The following LCAT variants were observed in gnomAD, a reference collection of about 807,000 sequenced individuals.
LCAT encodes the protein phosphatidylcholine-sterol acyltransferase.
LCAT carries 15 observed loss-of-function variants against 41.0 expected under a neutral mutation model. The ratio of observed to expected loss-of-function variants is 0.37; its 90% CI spans 0.24 to 0.56. LCAT has a LOEUF of 0.56. Among genes scored for constraint, LCAT ranks in the 20% least tolerant of loss-of-function variants. The pLI is 0.81. For synonymous variants in LCAT, 248 were observed against 245.4 expected, an observed-to-expected ratio of 1.01 and a Z score of -0.10; for missense variants, 449 against 595.1, an observed-to-expected ratio of 0.75 and a Z score of 2.55.
At chr16:67,941,934 T>G (rs2058293617) in intron 5 of LCAT, 1 of 1,174,652 alleles carries the variant, frequency 8.5e-7, no homozygotes, top group Non-Finnish European at 1.1e-6. Context: ...GTGTCAGTGC[T>G]GGGCCCTGGT....
In LCAT at chr16:67,943,854, G is replaced by A; in HGVS notation, c.154+94C>T. ...GGTACTTATGTCGGGGCTTATGCAG[G>A]GCAGAAGGGCTTTGGCCAGGTCAGC... is the stretch of plus-strand genomic sequence containing the variant. On this transcript the variant is annotated intron_variant, in intron 1 of 5. Transcript: ENST00000264005. The surrounding 1 kb of genome is among the most constrained non-coding windows in gnomAD (Gnocchi z 4.6). The A allele has an allele frequency of 1.6e-6, 2 of 1,231,244 alleles. No individual in the cohort carries two copies. Among genetic ancestry groups the A allele is most frequent in the Non-Finnish European group, 2.2e-6 (2 of 889,474 alleles). 76.3% of individuals were successfully genotyped at this position (1,231,244 alleles called of 1,614,324 possible).
chr16:67,940,521 T>C, intron 5 of LCAT, 43 bp from the exon 6 acceptor site: 1 of 1,610,852 alleles, frequency 6.2e-7, no homozygotes, highest in Non-Finnish European at 8.5e-7. Context: ...CAGGCCTGGC[T>C]ACCCCTGGCC....
chr16:67,943,421 G>A lies in LCAT; in HGVS notation c.155-209C>T. 1 of 608,808 alleles carries A rather than the reference G, an allele frequency of 1.6e-6. No homozygotes were observed. Among genetic ancestry groups the A allele is most frequent in the South Asian group, 1.8e-5 (1 of 55,034 alleles). 37.7% of individuals were successfully genotyped at this position (608,808 alleles called of 1,614,324 possible). A position where few individuals can be genotyped will look rare whatever the true frequency, so the allele number is the denominator to read the frequency against. ...CCCAGGCTTCCCTGAGGAAGGGAAG[G>A]CGCTGAGGTGCTGAGGCCAAGGCCG... On this transcript the variant is annotated intron_variant, in intron 1 of 5. Coordinates refer to ENST00000264005, the MANE Select transcript of LCAT (RefSeq NM_000229.2). The surrounding 1 kb of genome is among the most constrained non-coding windows in gnomAD (Gnocchi z 4.6).
Position 67,943,541 on chromosome 16 carries a change from T to C in LCAT, c.155-329A>G. On this transcript the variant is annotated intron_variant, in intron 1 of 5. Transcript: ENST00000264005. The surrounding 1 kb of genome is among the most constrained non-coding windows in gnomAD (Gnocchi z 4.6). Reference sequence around the variant, plus strand: ...CAGATAGGTCTGGGGGCATGGGGGCTGGGCCTAATAGGGGCCGGGCATGGA... The same window carrying C: ...CAGATAGGTCTGGGGGCATGGGGGCCGGGCCTAATAGGGGCCGGGCATGGA... 1 of 504,914 alleles carries C rather than the reference T, an allele frequency of 2.0e-6. No individual in the cohort carries two copies. The highest frequency in any genetic ancestry group is 3.6e-6 in the Non-Finnish European group (1 of 275,772). 31.3% of individuals were successfully genotyped at this position (504,914 alleles called of 1,614,324 possible). A position where few individuals can be genotyped will look rare whatever the true frequency, so the allele number is the denominator to read the frequency against.
chr16:67,943,882 C>T lies in LCAT; in HGVS notation c.154+66G>A. 1 of 1,440,526 alleles carries T rather than the reference C, an allele frequency of 6.9e-7. No homozygotes were observed. Among genetic ancestry groups the T allele is most frequent in the Non-Finnish European group, 9.3e-7 (1 of 1,069,574 alleles). The allele number at this position is 1,440,526 out of a possible 1,614,324, so 89.2% of individuals were successfully genotyped here. ...AGAAGGGCTTTGGCCAGGTCAGCTG[C>T]CAGGGGCTGGGGCCCAGGCTCCCCA... On this transcript the variant is annotated intron_variant, in intron 1 of 5. Coordinates refer to ENST00000264005, the MANE Select transcript of LCAT (RefSeq NM_000229.2). The surrounding 1 kb of genome is among the most constrained non-coding windows in gnomAD (Gnocchi z 4.6).
At position 67,943,157 on chromosome 16, in the gene LCAT, C is replaced by T. The variant is rs1212889929; in HGVS notation, c.210G>A (p.Val70=). The change falls in exon 2 of 6, where the codon GTG becomes GTA. Residue 70 remains valine (V), a synonymous_variant. Coordinates refer to ENST00000264005, the MANE Select transcript of LCAT (RefSeq NM_000229.2). The surrounding 1 kb of genome is among the most constrained non-coding windows in gnomAD (Gnocchi z 4.6). ...LEAKLDKPDV[V]NWMCYRKTED... ...CTGTCTTGCGGTAGCACATCCAGTTCACCACATCTGGTTTGTCCAGCTTGG... is the reference window on the plus strand; with the variant it reads ...CTGTCTTGCGGTAGCACATCCAGTTTACCACATCTGGTTTGTCCAGCTTGG... The T allele has an allele frequency of 3.1e-6, 5 of 1,613,938 alleles. No individual in the cohort carries two copies. The highest frequency in any genetic ancestry group is 4.2e-6 in the Non-Finnish European group (5 of 1,179,956).
rs2058305983 is a variant in LCAT at position 67,943,525 on chromosome 16, C to CTGGGGGCA, written c.155-321_155-314dup. On this transcript the variant is annotated intron_variant, in intron 1 of 5. Transcript: ENST00000264005. This position sits in a 1 kb window ranked among gnomAD's most constrained non-coding sequence, Gnocchi z 4.6. ...AAGTCCAAGGTGGGAACAGATAGGT[C>CTGGGGGCA]TGGGGGCATGGGGGCTGGGCCTAAT... 1 of 518,732 alleles carries CTGGGGGCA rather than the reference C, an allele frequency of 1.9e-6. No individual in the cohort carries two copies. Among genetic ancestry groups the CTGGGGGCA allele is most frequent in the Non-Finnish European group, 3.5e-6 (1 of 284,882 alleles). The allele number at this position is 518,732 out of a possible 1,614,324, so 32.1% of individuals were successfully genotyped here.
In LCAT at chr16:67,942,063, G is replaced by C; in HGVS notation, c.748+300C>G. The C allele has an allele frequency of 7.7e-7, 1 of 1,299,138 alleles. No homozygotes were observed. The highest frequency in any genetic ancestry group is 9.9e-7 in the Non-Finnish European group (1 of 1,013,230). 80.5% of individuals were successfully genotyped at this position (1,299,138 alleles called of 1,614,324 possible). A position where few individuals can be genotyped will look rare whatever the true frequency, so the allele number is the denominator to read the frequency against. On this transcript the variant is annotated intron_variant, in intron 5 of 5. Transcript: ENST00000264005. This position sits in a 1 kb window ranked among gnomAD's most constrained non-coding sequence, Gnocchi z 6.6. Reference sequence around the variant, plus strand: ...CACTCCTGCGAGCAAGTGGAAGGCAGGCAAGGGCTGGGCAGGCAGGCTCTG... The same window carrying C: ...CACTCCTGCGAGCAAGTGGAAGGCACGCAAGGGCTGGGCAGGCAGGCTCTG...
At position 67,942,600 on chromosome 16, in the gene LCAT, G is replaced by GA. The variant is rs770775074; in HGVS notation, c.524-14dup. On this transcript the variant is annotated splice_polypyrimidine_tract_variant and intron_variant, in intron 4 of 5. Transcript: ENST00000264005. The surrounding 1 kb of genome is among the most constrained non-coding windows in gnomAD (Gnocchi z 6.6). ...TCCTCCTGCTGGCCTGCAGCGGGTGGAAGGGGTCAGGGCAGCTGGGGTCTG... is the reference window on the plus strand; with the variant it reads ...TCCTCCTGCTGGCCTGCAGCGGGTGGAAAGGGGTCAGGGCAGCTGGGGTCTG... 175 of 1,613,022 alleles carry GA rather than the reference G, an allele frequency of 1.1e-4. No individual in the cohort carries two copies. Among genetic ancestry groups the GA allele is most frequent in the Non-Finnish European group, 1.3e-4 (154 of 1,179,942 alleles).
In LCAT at chr16:67,942,662, G is replaced by C. The variant is rs200102579; in HGVS notation, c.523+9C>G. 3.8e-5 allele frequency: 61 copies of C among 1,612,824 alleles called. No individual in the cohort carries two copies. The Admixed American group carries it at 6.0e-4, about 16-fold the overall frequency. Reference sequence around the variant, plus strand: ...CCACCCCAAGCCGGTCATCCGCAGAGACACTCACCGGGCTCCAGCCGCCAG... The same window carrying C: ...CCACCCCAAGCCGGTCATCCGCAGACACACTCACCGGGCTCCAGCCGCCAG... On this transcript the variant is annotated intron_variant, in intron 4 of 5. Transcript: ENST00000264005. The surrounding 1 kb of genome is among the most constrained non-coding windows in gnomAD (Gnocchi z 6.6).
chr16:67,942,788 C>T lies in LCAT; in HGVS notation c.428-22G>A, dbSNP rs778556604. 1.4e-5 allele frequency: 22 copies of T among 1,612,650 alleles called. No homozygotes were observed. The highest frequency in any genetic ancestry group is 4.5e-5 in the East Asian group (2 of 44,898). ...TACCCTGTGGGGGGACCAGCAGCAC[C>T]GGGGGCTTGGGCCATGCCTGCTGTG... On this transcript the variant is annotated intron_variant, in intron 3 of 5. Coordinates refer to ENST00000264005, the MANE Select transcript of LCAT (RefSeq NM_000229.2). This position sits in a 1 kb window ranked among gnomAD's most constrained non-coding sequence, Gnocchi z 6.6.
Position 67,942,090 on chromosome 16 carries a change from G to A in LCAT, c.748+273C>T, listed in dbSNP as rs1469135086. 2 of 1,358,412 alleles carry A rather than the reference G, an allele frequency of 1.5e-6. No individual in the cohort carries two copies. Among genetic ancestry groups the A allele is most frequent in the Admixed American group, 5.8e-5 (2 of 34,416 alleles). 84.1% of individuals were successfully genotyped at this position (1,358,412 alleles called of 1,614,324 possible). ...CAAGGGCTGGGCAGGCAGGCTCTGGGGCTACAAGAACAAACCCTGGGAGCA... is the reference window on the plus strand; with the variant it reads ...CAAGGGCTGGGCAGGCAGGCTCTGGAGCTACAAGAACAAACCCTGGGAGCA... On this transcript the variant is annotated intron_variant, in intron 5 of 5. Transcript: ENST00000264005. This position sits in a 1 kb window ranked among gnomAD's most constrained non-coding sequence, Gnocchi z 6.6.
rs1482056185 is a variant in LCAT, at chr16:67,940,411, G to A, written c.816C>T (p.Thr272=). The change falls in exon 6 of 6, where the codon ACC becomes ACT. Residue 272 remains threonine, a synonymous_variant. Transcript: ENST00000264005. ...KLKEEQRITT[T]SPWMFPSRMA... is the part of the protein sequence containing the mutation. ...TGCGAGAGGGAAACATCCAGGGGGA[G>A]GTGGTGGTTATGCGCTGCTCCTCTT... is the stretch of plus-strand genomic sequence containing the variant. The A allele has an allele frequency of 1.2e-6, 2 of 1,614,168 alleles. No individual in the cohort carries two copies. Among genetic ancestry groups the A allele is most frequent in the East Asian group, 2.2e-5 (1 of 44,876 alleles).
chr16:67,939,829 C>T lies in LCAT; in HGVS notation c.*75G>A, dbSNP rs776642625. ...AGCCTGTGGCTGGTGAGGAGTGAAACCTAGTGTGGGACTCTAGTGCCTCCC... is the reference window on the plus strand; with the variant it reads ...AGCCTGTGGCTGGTGAGGAGTGAAATCTAGTGTGGGACTCTAGTGCCTCCC... On this transcript the variant is annotated 3_prime_UTR_variant, in exon 6 of 6. Coordinates refer to ENST00000264005, the MANE Select transcript of LCAT (RefSeq NM_000229.2). 139 of 1,563,854 alleles carry T rather than the reference C, an allele frequency of 8.9e-5. No homozygotes were observed. The South Asian group carries it at 9.1e-4, about 10-fold the overall frequency.
chr16:67,943,614 T>G lies in LCAT; in HGVS notation c.154+334A>C. The G allele has an allele frequency of 2.0e-6, 1 of 499,394 alleles. No individual in the cohort carries two copies. Among genetic ancestry groups the G allele is most frequent in the Non-Finnish European group, 3.6e-6 (1 of 274,594 alleles). 30.9% of individuals were successfully genotyped at this position (499,394 alleles called of 1,614,324 possible). A position where few individuals can be genotyped will look rare whatever the true frequency, so the allele number is the denominator to read the frequency against. ...CCTGGGCTGGGCATCTTGTCCTTGG[T>G]GGGTGGGGGCCAAGGAAGGAGTGGT... On this transcript the variant is annotated intron_variant, in intron 1 of 5. Transcript: ENST00000264005. This position sits in a 1 kb window ranked among gnomAD's most constrained non-coding sequence, Gnocchi z 4.6.
rs747530363 is a variant in LCAT at position 67,942,940 on chromosome 16, G to A, written c.348C>T (p.Asn116=). ...GGACGCGGATCTGGACACCAGGGGC[G>A]TTGGACACGAGCCCAGAGCTCCGGT... ...VYNRSSGLVS[N]APGVQIRVPG... The change falls in exon 3 of 6, where the codon AAC becomes AAT. Residue 116 remains asparagine, a synonymous_variant. Transcript: ENST00000264005. This position sits in a 1 kb window ranked among gnomAD's most constrained non-coding sequence, Gnocchi z 6.6. 25 of 1,613,796 alleles carry A rather than the reference G, an allele frequency of 1.5e-5. No homozygotes were observed. The highest frequency in any genetic ancestry group is 2.2e-5 in the South Asian group (2 of 91,092).
rs1897113851 is a variant in LCAT at position 67,942,084 on chromosome 16, C to A, written c.748+279G>T. The A allele has an allele frequency of 7.4e-7, 1 of 1,345,936 alleles. No homozygotes were observed. 83.4% of individuals were successfully genotyped at this position (1,345,936 alleles called of 1,614,324 possible). A position where few individuals can be genotyped will look rare whatever the true frequency, so the allele number is the denominator to read the frequency against. On this transcript the variant is annotated intron_variant, in intron 5 of 5. Coordinates refer to ENST00000264005, the MANE Select transcript of LCAT (RefSeq NM_000229.2). This position sits in a 1 kb window ranked among gnomAD's most constrained non-coding sequence, Gnocchi z 6.6. The stretch of plus-strand genomic sequence containing the variant: ...GGCAGGCAAGGGCTGGGCAGGCAGG[C>A]TCTGGGGCTACAAGAACAAACCCTG...
rs372699306 is a variant in LCAT at position 67,942,493 on chromosome 16, G to A, written c.618C>T (p.Leu206=). The A allele has an allele frequency of 1.5e-4, 236 of 1,613,672 alleles. 1 individual carries two copies. The East Asian group carries it at 2.1e-3, about 15-fold the overall frequency. The change falls in exon 5 of 6, where the codon CTC becomes CTT. Residue 206 remains leucine, a synonymous_variant. Transcript: ENST00000264005. The surrounding 1 kb of genome is among the most constrained non-coding windows in gnomAD (Gnocchi z 6.6). The part of the protein sequence containing the change: ...GKPVFLIGHS[L]GCLHLLYFLL... ...GGAAATAGAGCAAGTGTAGACAGCC[G>A]AGGCTGTGGCCAATGAGGAAGACAG...
Position 67,942,752 on chromosome 16 carries a change from G to A in LCAT, c.442C>T (p.Leu148=), listed in dbSNP as rs765388664. ...CCATTGTTGACCAGGTTCTGCACCA[G>A]TGTGTGCAGGTACCCTGTGGGGGGA... ...SSKLAGYLHT[L]VQNLVNNGYV... The change falls in exon 4 of 6, where the codon CTG becomes TTG. Residue 148 remains leucine (L), a synonymous_variant. Transcript: ENST00000264005. The surrounding 1 kb of genome is among the most constrained non-coding windows in gnomAD (Gnocchi z 6.6). 2 of 1,612,766 alleles carry A rather than the reference G, an allele frequency of 1.2e-6. No homozygotes were observed. The highest frequency in any genetic ancestry group is 1.6e-4 in the Middle Eastern group (1 of 6,084).
Sources: allele counts gnomAD v4.1 joint callset, GRCh38; gene constraint gnomAD v4.1.1; non-coding constraint Gnocchi (gnomAD v3.1); transcripts MANE v1.5; gene names NCBI Gene and HGNC (gene_info 2026-07-23, HGNC 2026-07-21).